Variants in GLIS3 observed in about 807,000 individuals in gnomAD.
GLIS3 encodes zinc finger protein GLIS3.
In GLIS3, 53 loss-of-function variants were observed where a neutral mutation model predicts 78.6. The ratio of observed to expected loss-of-function variants is 0.67; its 90% CI spans 0.54 to 0.85. The LOEUF is 0.85. GLIS3 is among the 40% of genes least tolerant of loss of function. GLIS3 has a pLI of 0.00. For synonymous variants in GLIS3, 684 were observed against 509.9 expected (o/e 1.34, Z -4.60); for missense variants, 1,703 against 1,231.1 (o/e 1.38, Z -5.74).
chr9:4,407,058 T>G, the GLIS3 span, among the ~76,000 whole-genome samples: 1 of 152,156 alleles, frequency 6.6e-6, no homozygotes, highest in East Asian at 1.9e-4. Context: ...ACAGAGCTTC[T>G]GTAACTAAAA....
At chr9:4,097,182 A>G (rs1377678016) in intron 4 of GLIS3, among the ~76,000 whole-genome samples, 1 of 152,178 alleles carries the variant, frequency 6.6e-6, no homozygotes, top group African/African-American at 2.4e-5. Flanking sequence ...TTGGGGCAGA[A>G]CATCCTTTCT....
chr9:4,112,292 G>C (rs1831281664), intron 4 of GLIS3, among the ~76,000 whole-genome samples: 2 of 152,110 alleles, frequency 1.3e-5, no homozygotes, highest in Non-Finnish European at 2.9e-5. Flanking sequence ...TTTATTACAA[G>C]AGAACATTAA....
chr9:4,298,126 G>A (rs541469636), intron 1 of GLIS3, among the ~76,000 whole-genome samples: 10 of 152,104 alleles, frequency 6.6e-5, no homozygotes, highest in Admixed American at 3.3e-4. Context: ...GAGTGAGTCG[G>A]GGGCCGAAAG....
chr9:4,326,738 A>G (rs1817605747), intron 2 of GLIS3, among the ~76,000 whole-genome samples: 1 of 152,208 alleles, frequency 6.6e-6, no homozygotes, highest in Non-Finnish European at 1.5e-5. Context: ...AACCTACAGC[A>G]ACAGCAAGGA....
chr9:3,953,578 G>A (rs971880970), intron 4 of GLIS3, among the ~76,000 whole-genome samples: 6 of 152,130 alleles, frequency 3.9e-5, no homozygotes, highest in African/African-American at 9.7e-5. Flanking sequence ...GGCAATATCT[G>A]AATATTTCTT....
chr9:4,110,719 G>A (rs1205160616), intron 4 of GLIS3, among the ~76,000 whole-genome samples: 1 of 152,054 alleles, frequency 6.6e-6, no homozygotes, highest in African/African-American at 2.4e-5. Flanking sequence ...CACTGTCCAG[G>A]GTTACAACAA....
At chr9:4,217,469 T>C (rs1364256334) in intron 2 of GLIS3, among the ~76,000 whole-genome samples, 1 of 152,178 alleles carries the variant, frequency 6.6e-6, no homozygotes, top group Non-Finnish European at 1.5e-5. Context: ...AAGAGTGAAG[T>C]GCACTTATAT....
chr9:4,200,636 A>G (rs1225523191), intron 2 of GLIS3, among the ~76,000 whole-genome samples: 2 of 152,184 alleles, frequency 1.3e-5, no homozygotes, highest in Non-Finnish European at 2.9e-5. Context: ...ACAGACCAAT[A>G]TCGAGTTCCA....
At chr9:4,258,349 T>C (rs1042832238) in intron 2 of GLIS3, among the ~76,000 whole-genome samples, 2 of 152,192 alleles carry the variant, frequency 1.3e-5, no homozygotes, top group Non-Finnish European at 2.9e-5. Flanking sequence ...GCTGGTTTCT[T>C]AATTTTGATA....
chr9:4,024,986 T>C (rs1011353710), intron 4 of GLIS3, among the ~76,000 whole-genome samples: 2 of 152,232 alleles, frequency 1.3e-5, no homozygotes, highest in South Asian at 4.1e-4. Flanking sequence ...CGGTGGCTCA[T>C]GCCTGTAATC....
the GLIS3 span, among the ~76,000 whole-genome samples, chr9:4,407,802 AAAAC>A: frequency 6.6e-6 from 1 of 152,232 alleles, no homozygotes; most frequent in Admixed American, 6.5e-5. Context: ...CACAACAAAG[AAAAC>A]AATCAACAAA....
chr9:4,410,426 A>G, the GLIS3 span, among the ~76,000 whole-genome samples: 5 of 152,236 alleles, frequency 3.3e-5, no homozygotes, highest in African/African-American at 1.2e-4. Context: ...AGGAAAAAAT[A>G]AATTATGAAA....
chr9:4,016,741 A>G (rs1353340449), intron 4 of GLIS3, among the ~76,000 whole-genome samples: 1 of 152,232 alleles, frequency 6.6e-6, no homozygotes, highest in African/African-American at 2.4e-5. Flanking sequence ...CCAGCATTAA[A>G]TGAGACATCT....
intron 4 of GLIS3, among the ~76,000 whole-genome samples, chr9:4,004,994 C>T (rs988590123): frequency 3.9e-4 from 60 of 152,318 alleles, no homozygotes; most frequent in Admixed American, 3.7e-3. Flanking sequence ...TACAGCTCCT[C>T]AATTCACAGG....
At chr9:4,090,081 C>T (rs531323610) in intron 4 of GLIS3, among the ~76,000 whole-genome samples, 2 of 152,250 alleles carry the variant, frequency 1.3e-5, no homozygotes, top group East Asian at 1.9e-4. Context: ...GGTATGATTC[C>T]TATTCCCATA....
chr9:4,239,926 C>G (rs1823131544), intron 2 of GLIS3, among the ~76,000 whole-genome samples: 1 of 152,134 alleles, frequency 6.6e-6, no homozygotes, highest in South Asian at 2.1e-4. Flanking sequence ...GATAACAGCC[C>G]CATCTCAAAC....
At chr9:4,056,587 G>T (rs141940909) in intron 4 of GLIS3, among the ~76,000 whole-genome samples, 1 of 152,280 alleles carries the variant, frequency 6.6e-6, no homozygotes, top group East Asian at 1.9e-4. Context: ...AGGTTGAAGA[G>T]AGAAGAGAGA....
chr9:4,300,802 A>C (rs141632016), upstream of GLIS3, among the ~76,000 whole-genome samples: 25 of 152,078 alleles, frequency 1.6e-4, no homozygotes, highest in African/African-American at 6.0e-4. Context: ...AGTTCATCAC[A>C]TGTATTGCCA....
the GLIS3 span, among the ~76,000 whole-genome samples, chr9:4,413,439 G>A: frequency 1.3e-5 from 2 of 152,110 alleles, no homozygotes; most frequent in African/African-American, 4.8e-5. Context: ...TATAAGAGTT[G>A]TACTTGCCTC....
Sources: allele counts gnomAD v4.1 joint callset (sites outside exome capture counted in the v4.1 genomes callset), GRCh38; gene constraint gnomAD v4.1.1; transcripts MANE v1.5; gene names NCBI Gene and HGNC (gene_info 2026-07-23, HGNC 2026-07-21).